Variants in CLIP1 observed in about 807,000 individuals in gnomAD.
CLIP1 encodes CAP-Gly domain-containing linker protein 1.
A neutral mutation model predicts 161.6 loss-of-function variants in CLIP1; 66 were observed. The observed-to-expected ratio is 0.41, with a 90% CI of 0.33 to 0.50. The LOEUF is 0.50. CLIP1 is among the 20% of genes least tolerant of loss of function. The pLI is 0.27. For missense variants in CLIP1, 1,376 were observed against 1,702.0 expected, an observed-to-expected ratio of 0.81 and a Z score of 3.37; for synonymous variants, 598 against 626.2, an observed-to-expected ratio of 0.96 and a Z score of 0.67.
At chr12:122,321,398 A>C (rs989394563) in intron 17 of CLIP1, among the ~76,000 whole-genome samples, 1 of 151,978 alleles carries the variant, frequency 6.6e-6, no homozygotes, top group Non-Finnish European at 1.5e-5. Context: ...AGCGCACGCC[A>C]CCACGCCTGG....
intron 17 of CLIP1, among the ~76,000 whole-genome samples, chr12:122,320,793 TC>T (rs1301857351): frequency 2.0e-5 from 3 of 149,380 alleles, no homozygotes; most frequent in Non-Finnish European, 4.4e-5. Flanking sequence ...CACTGCAACC[TC>T]CGCCTCCCTG....
chr12:122,307,382 G>C (rs1321909667), intron 20 of CLIP1, among the ~76,000 whole-genome samples: 1 of 152,058 alleles, frequency 6.6e-6, no homozygotes. Flanking sequence ...ATGATTCCAT[G>C]AAATAATGGT....
rs375484586 is a variant in CLIP1, at chr12:122,334,630, C to T, written c.2626+18G>A. 2.1e-4 allele frequency: 323 copies of T among 1,551,960 alleles called. No individual in the cohort carries two copies. Among genetic ancestry groups the T allele is most frequent in the African/African-American group, 4.7e-4 (35 of 73,854 alleles). On this transcript the variant is annotated intron_variant, in intron 13 of 25. Coordinates refer to ENST00000620786, the MANE Select transcript of CLIP1 (RefSeq NM_001247997.2). ...GATATTTTTTAAAGCAATCTGCACA[C>T]GCTCTGGTAAGACATACCTTGCATA...
chr12:122,410,098 C>T (rs947953921), intron 1 of CLIP1, among the ~76,000 whole-genome samples: 4 of 151,966 alleles, frequency 2.6e-5, no homozygotes, highest in African/African-American at 9.7e-5. Context: ...TCTTGAACTC[C>T]TGGCCTCAAG....
At chr12:122,332,400 T>C (rs1437901295) in intron 15 of CLIP1, among the ~76,000 whole-genome samples, 1 of 152,186 alleles carries the variant, frequency 6.6e-6, no homozygotes, top group African/African-American at 2.4e-5. Context: ...ATTATTGTCA[T>C]TGGTAAACTA....
chr12:122,404,181 G>T (rs920418366), intron 1 of CLIP1, among the ~76,000 whole-genome samples: 1 of 152,196 alleles, frequency 6.6e-6, no homozygotes, highest in African/African-American at 2.4e-5. Flanking sequence ...AGTTTGGGGC[G>T]CAGGCCACAG....
At chr12:122,368,013 T>A (rs1294071467) in intron 3 of CLIP1, among the ~76,000 whole-genome samples, 3 of 152,116 alleles carry the variant, frequency 2.0e-5, no homozygotes, top group Non-Finnish European at 4.4e-5. Flanking sequence ...TAGATTCCCA[T>A]GGCAAACACA....
chr12:122,352,644 T>A (rs1261389402), intron 8 of CLIP1, 82 bp downstream of exon 8: 14 of 1,264,840 alleles, frequency 1.1e-5, no homozygotes, highest in Non-Finnish European at 1.5e-5. Context: ...TTCTGGCCGC[T>A]CATTTCAATT....
chr12:122,394,600 C>T (rs1375443398), intron 1 of CLIP1, among the ~76,000 whole-genome samples: 1 of 151,378 alleles, frequency 6.6e-6, no homozygotes, highest in Non-Finnish European at 1.5e-5. Flanking sequence ...AAGGGACAAT[C>T]CTTTAGGCCA....
chr12:122,276,496 A>C, intron 24 of CLIP1: 3 of 1,288,704 alleles, frequency 2.3e-6, no homozygotes, highest in Non-Finnish European at 3.0e-6. Context: ...CCGAAGCAGA[A>C]AGGAAGGGGG....
At chr12:122,420,755 G>C (rs185337888) in intron 1 of CLIP1, among the ~76,000 whole-genome samples, 4 of 152,142 alleles carry the variant, frequency 2.6e-5, no homozygotes, top group Non-Finnish European at 5.9e-5. Flanking sequence ...GGGCAACGTG[G>C]TGAAACCCCA....
At chr12:122,293,346 A>G (rs1454974571) in intron 20 of CLIP1, among the ~76,000 whole-genome samples, 2 of 152,196 alleles carry the variant, frequency 1.3e-5, no homozygotes, top group Non-Finnish European at 2.9e-5. Flanking sequence ...TGGCAAATAG[A>G]TTAATGTTTA....
intron 21 of CLIP1, among the ~76,000 whole-genome samples, chr12:122,281,085 T>C (rs566968305): frequency 2.3e-4 from 35 of 152,328 alleles, no homozygotes; most frequent in Non-Finnish European, 3.5e-4. Flanking sequence ...TATGGCAAAT[T>C]GAAACTCTAC....
At chr12:122,334,443 C>T (rs1003845559) in intron 13 of CLIP1, among the ~76,000 whole-genome samples, 1 of 152,162 alleles carries the variant, frequency 6.6e-6, no homozygotes, top group African/African-American at 2.4e-5. Context: ...TAATACAGAA[C>T]AAGCCTTAAG....
intron 21 of CLIP1, among the ~76,000 whole-genome samples, chr12:122,284,390 T>C (rs1004830703): frequency 7.9e-5 from 12 of 152,030 alleles, no homozygotes; most frequent in Admixed American, 5.9e-4. Context: ...TTTGCTCTTG[T>C]TGCCCAGGCT....
At chr12:122,338,605 T>C (rs1412165320) in intron 11 of CLIP1, among the ~76,000 whole-genome samples, 1 of 152,040 alleles carries the variant, frequency 6.6e-6, no homozygotes, top group East Asian at 1.9e-4. Context: ...TAATCCTGGC[T>C]ACTCGGGAGG....
intron 20 of CLIP1, among the ~76,000 whole-genome samples, chr12:122,290,646 AT>A (rs1361816196): frequency 6.6e-6 from 1 of 152,080 alleles, no homozygotes; most frequent in African/African-American, 2.4e-5. Flanking sequence ...ATTAGTGAAT[AT>A]TTGAAAAATC....
intron 3 of CLIP1, among the ~76,000 whole-genome samples, chr12:122,376,839 T>C (rs1304011680): frequency 6.6e-6 from 1 of 152,044 alleles, no homozygotes; most frequent in African/African-American, 2.4e-5. Context: ...GCTAAACTGC[T>C]AGATACAACT....
At chr12:122,385,136 T>C (rs1955196584) in intron 1 of CLIP1, among the ~76,000 whole-genome samples, 1 of 152,054 alleles carries the variant, frequency 6.6e-6, no homozygotes, top group Non-Finnish European at 1.5e-5. Flanking sequence ...TTTCACCATA[T>C]TGGCCAGGAT....
Sources: allele counts gnomAD v4.1 joint callset (sites outside exome capture counted in the v4.1 genomes callset), GRCh38; gene constraint gnomAD v4.1.1; transcripts MANE v1.5; gene names NCBI Gene and HGNC (gene_info 2026-07-23, HGNC 2026-07-21).